The following CACNA2D3 variants were observed in gnomAD, a reference collection of about 807,000 sequenced individuals.
The protein encoded by CACNA2D3 is calcium voltage-gated channel auxiliary subunit alpha2delta 3, also known as voltage-dependent calcium channel subunit alpha-2/delta-3.
A neutral mutation model predicts 160.6 loss-of-function variants in CACNA2D3; 60 were observed. The observed-to-expected ratio is 0.37, with a 90% confidence interval of 0.30 to 0.46. The LOEUF (loss-of-function observed/expected upper bound fraction) is 0.46. Among genes scored for constraint, CACNA2D3 ranks in the 20% least tolerant of loss-of-function variants. CACNA2D3 has a pLI of 1.00. For synonymous variants in CACNA2D3, 558 were observed against 492.9 expected (o/e 1.13, Z -1.75); for missense variants, 1,205 against 1,365.0 (o/e 0.88, Z 1.85).
At position 54,705,015 on chromosome 3, in the gene CACNA2D3, C is replaced by T. The variant is rs140038312; in HGVS notation, c.1168-47584C>T. ...CTGCTGGGTACAGAGCTACTGTGGACCATGGAGTGTAGCTGGCCCAGCCCC... is the reference window on the plus strand; with the variant it reads ...CTGCTGGGTACAGAGCTACTGTGGATCATGGAGTGTAGCTGGCCCAGCCCC... On this transcript the variant is annotated intron_variant, in intron 11 of 37. Coordinates refer to ENST00000474759, the MANE Select transcript of CACNA2D3 (RefSeq NM_018398.3). Among the ~76,000 whole-genome samples the T allele has an allele frequency of 5.5e-3, 834 of 152,196 alleles. 4 individuals are homozygous for T. The highest frequency in any genetic ancestry group is 0.01 in the Middle Eastern group (3 of 294).
intron 2 of CACNA2D3, among the ~76,000 whole-genome samples, chr3:54,179,770 G>C (rs1305345314): frequency 6.6e-6 from 1 of 152,178 alleles, no homozygotes; most frequent in African/African-American, 2.4e-5. Context: ...ACAATGAGAA[G>C]GTGGCTATCT....
chr3:54,341,002 A>G (rs1269276927), intron 3 of CACNA2D3, among the ~76,000 whole-genome samples: 1 of 152,056 alleles, frequency 6.6e-6, no homozygotes, highest in Non-Finnish European at 1.5e-5. Flanking sequence ...CTGAAGCTTC[A>G]CGCCTGCTGT....
intron 26 of CACNA2D3, among the ~76,000 whole-genome samples, chr3:54,897,470 A>G (rs1343614577): frequency 6.6e-6 from 1 of 152,224 alleles, no homozygotes; most frequent in Non-Finnish European, 1.5e-5. Context: ...TTTGGAAGCA[A>G]AACATACTGG....
At chr3:54,372,230 C>T (rs968989719) in intron 3 of CACNA2D3, among the ~76,000 whole-genome samples, 2 of 152,310 alleles carry the variant, frequency 1.3e-5, no homozygotes, top group East Asian at 1.9e-4. Flanking sequence ...ACTTCAGCTA[C>T]GTGGAATTGC....
At chr3:54,451,901 T>C (rs1031104420) in intron 4 of CACNA2D3, among the ~76,000 whole-genome samples, 1 of 152,196 alleles carries the variant, frequency 6.6e-6, no homozygotes, top group African/African-American at 2.4e-5. Context: ...TACCACTCTG[T>C]ATCTCAATAA....
chr3:54,884,777 G>A lies in CACNA2D3; in HGVS notation c.1913-504G>A, dbSNP rs117973132. Among the ~76,000 whole-genome samples the A allele has an allele frequency of 3.2e-4, 49 of 152,282 alleles. No homozygotes were observed. The East Asian group carries it at 5.4e-3, about 17-fold the overall frequency. ...TGCTCAAAAACAGTTGAGTATTGAC[G>A]ACTTCATATTGTTCAACCTATGATT... On this transcript the variant is annotated intron_variant, in intron 21 of 37. Transcript: ENST00000474759.
At chr3:54,220,162 T>C (rs1352292375) in intron 2 of CACNA2D3, among the ~76,000 whole-genome samples, 1 of 152,184 alleles carries the variant, frequency 6.6e-6, no homozygotes, top group Non-Finnish European at 1.5e-5. Flanking sequence ...GTTAATTGTT[T>C]CTTGGTGGGT....
At chr3:54,375,439 TA>T (rs970145872) in intron 3 of CACNA2D3, among the ~76,000 whole-genome samples, 4 of 151,700 alleles carry the variant, frequency 2.6e-5, no homozygotes, top group Non-Finnish European at 4.4e-5. Context: ...AGTCCTTTGT[TA>T]GGGGGTGGGG....
At chr3:54,948,387 G>T (rs1258780774) in intron 27 of CACNA2D3, among the ~76,000 whole-genome samples, 1 of 152,200 alleles carries the variant, frequency 6.6e-6, no homozygotes, top group Non-Finnish European at 1.5e-5. Flanking sequence ...CTCCCAAGAG[G>T]TTAGCAACTA....
intron 27 of CACNA2D3, among the ~76,000 whole-genome samples, chr3:54,928,551 G>A (rs1701094964): frequency 6.6e-6 from 1 of 152,170 alleles, no homozygotes; most frequent in South Asian, 2.1e-4. Flanking sequence ...GTCTTATTCA[G>A]CCAACATCTG....
chr3:54,680,367 A>G (rs1700319546), intron 11 of CACNA2D3, among the ~76,000 whole-genome samples: 1 of 152,198 alleles, frequency 6.6e-6, no homozygotes, highest in Non-Finnish European at 1.5e-5. Context: ...ATGTGTTTAT[A>G]TGTTTGCAAG....
chr3:54,316,308 T>C (rs1333185894), intron 2 of CACNA2D3, among the ~76,000 whole-genome samples: 4 of 152,200 alleles, frequency 2.6e-5, no homozygotes, highest in African/African-American at 9.7e-5. Flanking sequence ...ATGTCAACAT[T>C]TTAAGTTACT....
At position 54,583,987 on chromosome 3, in the gene CACNA2D3, A is replaced by C. The variant is rs1024424320; in HGVS notation, c.963+2110A>C. ...AAACCTTTGTGACAACACTTTTTCT[A>C]CTCCAGCTGAATATCAACGGAACAA... On this transcript the variant is annotated intron_variant, in intron 9 of 37. Transcript: ENST00000474759. 2.6e-5 allele frequency among the ~76,000 whole-genome samples: 4 copies of C among 152,002 alleles called. 1 individual carries two copies. Among genetic ancestry groups the C allele is most frequent in the Admixed American group, 2.0e-4 (3 of 15,266 alleles).
chr3:54,953,692 C>T (rs1701812761), intron 27 of CACNA2D3, among the ~76,000 whole-genome samples: 1 of 152,214 alleles, frequency 6.6e-6, no homozygotes, highest in Non-Finnish European at 1.5e-5. Flanking sequence ...AGCCATTGTG[C>T]TGGTTGTTTC....
chr3:54,895,528 T>C (rs1700169072), intron 25 of CACNA2D3, among the ~76,000 whole-genome samples: 1 of 152,184 alleles, frequency 6.6e-6, no homozygotes, highest in African/African-American at 2.4e-5. Flanking sequence ...CTGAATGCTT[T>C]CCTGAACTGG....
intron 35 of CACNA2D3, among the ~76,000 whole-genome samples, chr3:55,068,296 G>A (rs1704715451): frequency 6.6e-6 from 1 of 152,226 alleles, no homozygotes; most frequent in Admixed American, 6.5e-5. Flanking sequence ...CCAGGAGAGA[G>A]CTATCATCAA....
chr3:54,543,651 T>C (rs536418710), intron 5 of CACNA2D3, among the ~76,000 whole-genome samples: 209 of 152,332 alleles, frequency 1.4e-3, no homozygotes, highest in Non-Finnish European at 2.3e-3. Flanking sequence ...CAGCACAGCT[T>C]GTGTTTTGGT....
At chr3:55,071,699 T>C (rs188904494) in intron 35 of CACNA2D3, among the ~76,000 whole-genome samples, 1 of 152,342 alleles carries the variant, frequency 6.6e-6, no homozygotes, top group African/African-American at 2.4e-5. Context: ...TACTCATGTT[T>C]CAGTGGGCTC....
Position 54,764,364 on chromosome 3 carries a change from G to A in CACNA2D3, c.1380+13G>A. The stretch of plus-strand genomic sequence containing the variant: ...CATTGACAGCACTGTGAGTCCACGG[G>A]GCCCTGGGAAAGAGGCTAAGCTTTA... On this transcript the variant is annotated intron_variant, in intron 13 of 37. Transcript: ENST00000474759. 6.2e-7 allele frequency: 1 copy of A among 1,613,452 alleles called. No individual in the cohort carries two copies. The highest frequency in any genetic ancestry group is 1.1e-5 in the South Asian group (1 of 91,010).
Sources: gnomAD v4.1 joint callset for allele counts (sites outside exome capture counted in the v4.1 genomes callset) on GRCh38, gnomAD v4.1.1 for gene constraint, MANE v1.5 for transcripts, NCBI Gene and HGNC (gene_info 2026-07-23, HGNC 2026-07-21) for gene names.